ERC2: variants seen among roughly 807,000 people sequenced by gnomAD.
ERC2 encodes ERC protein 2.
A neutral mutation model predicts 114.8 loss-of-function variants in ERC2; 42 were observed. The ratio of observed to expected loss-of-function variants is 0.37; its 90% CI spans 0.29 to 0.47. ERC2 has a LOEUF of 0.47. ERC2 is among the 20% of genes least tolerant of loss of function. The pLI is 0.99. For synonymous variants in ERC2, 454 were observed against 425.5 expected (o/e 1.07, Z -0.82); for missense variants, 939 against 1,150.7 (o/e 0.82, Z 2.66).
intron 15 of ERC2, among the ~76,000 whole-genome samples, chr3:55,708,969 G>C (rs1294054463): frequency 6.6e-6 from 1 of 152,082 alleles, no homozygotes; most frequent in Non-Finnish European, 1.5e-5. Context: ...TGCAGGTATT[G>C]AGATTCGGAC....
chr3:55,574,961 CT>C (rs2056900326), intron 17 of ERC2, among the ~76,000 whole-genome samples: 1 of 152,302 alleles, frequency 6.6e-6, no homozygotes, highest in Admixed American at 6.5e-5. Context: ...GGAGTGGAGA[CT>C]TCTGGGTCCC....
intron 2 of ERC2, among the ~76,000 whole-genome samples, chr3:56,404,538 A>G (rs2060637482): frequency 6.6e-6 from 1 of 152,226 alleles, no homozygotes; most frequent in Admixed American, 6.5e-5. Flanking sequence ...GATTATAGTC[A>G]ATAATAATTG....
intron 3 of ERC2, among the ~76,000 whole-genome samples, chr3:56,200,808 G>A (rs1182551766): frequency 6.6e-6 from 1 of 152,136 alleles, no homozygotes; most frequent in African/African-American, 2.4e-5. Context: ...AAATTATGTC[G>A]GTAGCTTGAA....
At chr3:56,236,399 G>A (rs1384779345) in intron 3 of ERC2, among the ~76,000 whole-genome samples, 2 of 152,072 alleles carry the variant, frequency 1.3e-5, no homozygotes, top group Non-Finnish European at 2.9e-5. Flanking sequence ...GAATGTGAAG[G>A]CCATCTGCTG....
At chr3:56,356,675 C>T (rs2058756424) in intron 2 of ERC2, among the ~76,000 whole-genome samples, 1 of 152,176 alleles carries the variant, frequency 6.6e-6, no homozygotes, top group Admixed American at 6.5e-5. Flanking sequence ...CTCCACAATT[C>T]TGTGGTCCAA....
intron 15 of ERC2, 34 bp from the exon 16 acceptor site, chr3:55,699,546 A>G: frequency 6.4e-7 from 1 of 1,573,454 alleles, no homozygotes; most frequent in East Asian, 2.3e-5. Flanking sequence ...AGATTCCATC[A>G]GGAGCCAGAA....
chr3:56,091,092 T>C (rs1159496571), intron 6 of ERC2, among the ~76,000 whole-genome samples: 1 of 152,040 alleles, frequency 6.6e-6, no homozygotes, highest in African/African-American at 2.4e-5. Flanking sequence ...TAAAATTCGC[T>C]CTGGGTGTTC....
chr3:56,265,162 GA>G (rs1303324750), intron 3 of ERC2, among the ~76,000 whole-genome samples: 1 of 152,084 alleles, frequency 6.6e-6, no homozygotes, highest in Non-Finnish European at 1.5e-5. Context: ...TCCTGAGGAA[GA>G]AAAATAAAGT....
At chr3:56,334,218 C>T (rs1186255810) in intron 2 of ERC2, among the ~76,000 whole-genome samples, 1 of 152,232 alleles carries the variant, frequency 6.6e-6, no homozygotes, top group Non-Finnish European at 1.5e-5. Flanking sequence ...CATCTGGGGG[C>T]CACCTCCTCA....
intron 13 of ERC2, among the ~76,000 whole-genome samples, chr3:55,889,597 T>G (rs548797020): frequency 1.3e-5 from 2 of 152,062 alleles, no homozygotes; most frequent in Non-Finnish European, 2.9e-5. Flanking sequence ...AGGCTGGTGT[T>G]TATGGTTCCG....
At chr3:55,806,905 C>T (rs2059515604) in intron 14 of ERC2, among the ~76,000 whole-genome samples, 1 of 152,206 alleles carries the variant, frequency 6.6e-6, no homozygotes, top group African/African-American at 2.4e-5. Flanking sequence ...ACAATGATCA[C>T]TCCTTCATTC....
chr3:56,057,959 C>T (rs1174153453), intron 7 of ERC2, among the ~76,000 whole-genome samples: 1 of 152,136 alleles, frequency 6.6e-6, no homozygotes, highest in Admixed American at 6.5e-5. Flanking sequence ...AATAACATTA[C>T]ATAATGTTCC....
chr3:55,888,058 T>C (rs1218894453), intron 14 of ERC2, among the ~76,000 whole-genome samples: 1 of 152,234 alleles, frequency 6.6e-6, no homozygotes, highest in Non-Finnish European at 1.5e-5. Context: ...AGCGCTCAAA[T>C]TACCATTGTG....
intron 6 of ERC2, among the ~76,000 whole-genome samples, chr3:56,109,392 T>C (rs954988859): frequency 1.3e-5 from 2 of 152,214 alleles, no homozygotes; most frequent in African/African-American, 4.8e-5. Flanking sequence ...ATGCTGTATA[T>C]GTACCACATT....
chr3:56,083,300 T>C (rs2077335461), intron 6 of ERC2, among the ~76,000 whole-genome samples: 1 of 152,200 alleles, frequency 6.6e-6, no homozygotes. Context: ...CTAGAGGATT[T>C]ATGGCATGAC....
At chr3:56,205,395 T>C (rs2048661555) in intron 3 of ERC2, among the ~76,000 whole-genome samples, 1 of 152,160 alleles carries the variant, frequency 6.6e-6, no homozygotes, top group Non-Finnish European at 1.5e-5. Context: ...TTTTACAATT[T>C]GGGTCACTGG....
At chr3:56,170,111 T>A (rs532885905) in intron 4 of ERC2, among the ~76,000 whole-genome samples, 134 of 152,204 alleles carry the variant, frequency 8.8e-4, no homozygotes, top group Non-Finnish European at 1.5e-3. Context: ...GTGTTCTAAG[T>A]GCAAACTTGG....
intron 17 of ERC2, among the ~76,000 whole-genome samples, chr3:55,675,322 C>A (rs1254523165): frequency 3.3e-5 from 5 of 152,166 alleles, no homozygotes. Flanking sequence ...CACCAGGTAG[C>A]CACCAGATGG....
intron 17 of ERC2, among the ~76,000 whole-genome samples, chr3:55,655,716 G>T (rs1202316059): frequency 6.6e-6 from 1 of 152,112 alleles, no homozygotes; most frequent in Non-Finnish European, 1.5e-5. Flanking sequence ...GCCTTCCTGA[G>T]GGTCTGAGTC....
Sources: allele counts gnomAD v4.1 joint callset (sites outside exome capture counted in the v4.1 genomes callset), GRCh38; gene constraint gnomAD v4.1.1; transcripts MANE v1.5; gene names NCBI Gene and HGNC (gene_info 2026-07-23, HGNC 2026-07-21).